The following RALYL variants were observed in gnomAD, a reference collection of about 807,000 sequenced individuals.
RALYL encodes the protein RALY RNA binding protein like.
Under a neutral mutation model 35.1 loss-of-function variants are expected in RALYL, and 29 were observed. That is an observed-to-expected ratio of 0.83 (90% CI 0.61 to 1.13). The LOEUF (loss-of-function observed/expected upper bound fraction) is 1.13. Ranked by LOEUF, RALYL falls within the 50% of genes most tolerant of loss-of-function variation. RALYL has a pLI of 0.00. For synonymous variants in RALYL, 120 were observed against 127.6 expected, an observed-to-expected ratio of 0.94 and a Z score of 0.40; for missense variants, 359 against 360.4, an observed-to-expected ratio of 1.00 and a Z score of 0.03.
intron 1 of RALYL, among the ~76,000 whole-genome samples, chr8:84,463,634 T>G (rs760677934): frequency 6.6e-6 from 1 of 152,112 alleles, no homozygotes; most frequent in Admixed American, 6.6e-5. Context: ...ATTTAACTTC[T>G]TTAAGCTTAT....
intron 5 of RALYL, 147 bp from the exon 6 acceptor site, chr8:84,862,149 A>C (rs931681054): frequency 1.6e-6 from 1 of 617,778 alleles, no homozygotes; most frequent in East Asian, 3.4e-5. Context: ...CTGCCAATAA[A>C]TACCTGCATC....
chr8:84,252,285 A>G (rs1263379559), intron 1 of RALYL, among the ~76,000 whole-genome samples: 3 of 152,140 alleles, frequency 2.0e-5, no homozygotes, highest in South Asian at 4.1e-4. Flanking sequence ...ATAGGTAGCC[A>G]GTGCTCATTT....
intron 1 of RALYL, among the ~76,000 whole-genome samples, chr8:84,187,683 A>T (rs1415402829): frequency 6.6e-6 from 1 of 152,162 alleles, no homozygotes; most frequent in East Asian, 1.9e-4. Flanking sequence ...CAAATTGTTA[A>T]TTAGAAAAAT....
chr8:84,695,899 A>C (rs1397025782), intron 2 of RALYL, among the ~76,000 whole-genome samples: 1 of 151,790 alleles, frequency 6.6e-6, no homozygotes, highest in African/African-American at 2.4e-5. Flanking sequence ...CCATGACTCC[A>C]TTCTTTAAAC....
chr8:84,228,861 G>C lies in RALYL; in HGVS notation c.-24+44437G>C, dbSNP rs534927617. 7.8e-4 allele frequency among the ~76,000 whole-genome samples: 118 copies of C among 152,234 alleles called. 2 individuals are homozygous for C. The South Asian group carries it at 0.023, about 30-fold the overall frequency. On this transcript the variant is annotated intron_variant, in intron 1 of 8. Transcript: ENST00000521268. The stretch of plus-strand genomic sequence containing the variant: ...TGTAAAACCATCAGATCTCCGGAAA[G>C]CTCACTCACTATCATGAGAACAGTA...
intron 3 of RALYL, among the ~76,000 whole-genome samples, chr8:84,797,755 C>T (rs1458832009): frequency 6.6e-6 from 1 of 152,204 alleles, no homozygotes; most frequent in African/African-American, 2.4e-5. Flanking sequence ...TGTAAATCGA[C>T]TTTAGTGGAG....
chr8:84,506,219 T>C (rs2057152973), intron 1 of RALYL, among the ~76,000 whole-genome samples: 1 of 152,070 alleles, frequency 6.6e-6, no homozygotes, highest in Non-Finnish European at 1.5e-5. Flanking sequence ...TGCAGCTTTA[T>C]AAAGAAAGTG....
chr8:84,552,358 A>ATATATAT (rs60915927), intron 2 of RALYL, among the ~76,000 whole-genome samples: 17 of 30,646 alleles, frequency 5.5e-4, no homozygotes, highest in African/African-American at 1.2e-3. Context: ...ATATATATAT[A>ATATATAT]TTTTTTTTTT....
chr8:84,869,734 C>A (rs1043126756), intron 6 of RALYL, among the ~76,000 whole-genome samples: 1 of 152,156 alleles, frequency 6.6e-6, no homozygotes, highest in African/African-American at 2.4e-5. Context: ...CGGATCTAGA[C>A]AGTTAGCTGA....
At chr8:84,841,986 A>T (rs548990790) in intron 4 of RALYL, among the ~76,000 whole-genome samples, 1 of 152,234 alleles carries the variant, frequency 6.6e-6, no homozygotes, top group Non-Finnish European at 1.5e-5. Flanking sequence ...AGGGAAATTC[A>T]TAGCACTAAA....
intron 2 of RALYL, among the ~76,000 whole-genome samples, chr8:84,553,763 C>T (rs1315619908): frequency 6.6e-6 from 1 of 151,682 alleles, no homozygotes; most frequent in African/African-American, 2.4e-5. Flanking sequence ...AATCAAGCTA[C>T]AGGTGGCAGT....
intron 2 of RALYL, among the ~76,000 whole-genome samples, chr8:84,557,785 T>C (rs909838504): frequency 6.6e-6 from 1 of 150,718 alleles, no homozygotes; most frequent in Non-Finnish European, 1.5e-5. Flanking sequence ...AAAAAACAAA[T>C]GCTGATTAAT....
chr8:84,872,973 C>A (rs1159196855), intron 6 of RALYL: 1 of 211,310 alleles, frequency 4.7e-6, no homozygotes. Context: ...AAGATTTACT[C>A]TATTTTGTAA....
At chr8:84,895,857 T>C (rs1350871364) in intron 8 of RALYL, among the ~76,000 whole-genome samples, 1 of 152,294 alleles carries the variant, frequency 6.6e-6, no homozygotes, top group East Asian at 1.9e-4. Context: ...GCATTTAATT[T>C]TGGTGACCCA....
At chr8:84,629,969 A>G (rs1393261096) in intron 2 of RALYL, among the ~76,000 whole-genome samples, 2 of 152,004 alleles carry the variant, frequency 1.3e-5, no homozygotes, top group Non-Finnish European at 2.9e-5. Flanking sequence ...TTTCCTTTCA[A>G]AGAGCATCAA....
intron 1 of RALYL, among the ~76,000 whole-genome samples, chr8:84,192,685 A>C (rs1241378101): frequency 6.6e-6 from 1 of 151,828 alleles, no homozygotes; most frequent in African/African-American, 2.4e-5. Context: ...AGCCTCCTGA[A>C]TAGCTAAGAT....
intron 1 of RALYL, among the ~76,000 whole-genome samples, chr8:84,257,532 A>G (rs1831426439): frequency 6.6e-6 from 1 of 152,188 alleles, no homozygotes; most frequent in Non-Finnish European, 1.5e-5. Context: ...CTAAAAGTTC[A>G]TAGCAGGAAA....
chr8:84,681,603 C>A (rs988846702), intron 2 of RALYL, among the ~76,000 whole-genome samples: 2 of 152,162 alleles, frequency 1.3e-5, no homozygotes, highest in Non-Finnish European at 2.9e-5. Context: ...CTCTTTGAAG[C>A]AATTGTGAAT....
intron 2 of RALYL, among the ~76,000 whole-genome samples, chr8:84,550,685 T>C (rs1206289877): frequency 6.6e-6 from 1 of 151,846 alleles, no homozygotes; most frequent in African/African-American, 2.4e-5. Flanking sequence ...TAGAAACTTA[T>C]GACAGTCTAT....
Sources: gnomAD v4.1 joint callset for allele counts (sites outside exome capture counted in the v4.1 genomes callset) on GRCh38, gnomAD v4.1.1 for gene constraint, MANE v1.5 for transcripts, NCBI Gene and HGNC (gene_info 2026-07-23, HGNC 2026-07-21) for gene names.